LEPROTL1: variants seen among roughly 807,000 people sequenced by gnomAD.
LEPROTL1 encodes the protein leptin receptor overlapping transcript like 1.
Under a neutral mutation model 15.4 loss-of-function variants are expected in LEPROTL1, and 6 were observed. The observed-to-expected ratio is 0.39, with a 90% CI of 0.21 to 0.77. The LOEUF (loss-of-function observed/expected upper bound fraction) is 0.77, where lower values mean the gene tolerates loss of function less well. Among genes scored for constraint, LEPROTL1 ranks in the 30% least tolerant of loss-of-function variants. The probability of loss-of-function intolerance (pLI) is 0.41; values close to 1 mark genes in which losing one functional copy is unlikely to be tolerated. For synonymous variants in LEPROTL1, 56 were observed against 52.6 expected, an observed-to-expected ratio of 1.06 and a Z score of -0.28; for missense variants, 128 against 158.1, an observed-to-expected ratio of 0.81 and a Z score of 1.02.
At chr8:30,095,952 C>A (rs1405512248) in intron 1 of LEPROTL1, 3 of 686,894 alleles carry the variant, frequency 4.4e-6, no homozygotes, top group South Asian at 1.5e-5. Context: ...GAAAACCAGT[C>A]ATTTCCCACC....
At chr8:30,105,209 G>A (rs1447605960) in intron 3 of LEPROTL1, 3 of 152,170 alleles carry the variant, frequency 2.0e-5, no homozygotes, top group East Asian at 1.9e-4. Flanking sequence ...TGATCCACGC[G>A]CCTTCATCTC....
Position 30,095,818 on chromosome 8 carries a change from G to T in LEPROTL1, c.16+290G>T, listed in dbSNP as rs183358734. Reference sequence around the variant, plus strand: ...CCGGACAAAATATGAAGTGGTTGGCGGTCAGTGAGGAGTCCCGTCGCGACT... The same window carrying T: ...CCGGACAAAATATGAAGTGGTTGGCTGTCAGTGAGGAGTCCCGTCGCGACT... On this transcript the variant is annotated intron_variant, in intron 1 of 3. Coordinates refer to ENST00000321250, the MANE Select transcript of LEPROTL1 (RefSeq NM_015344.3). 2,829 of 701,698 alleles carry T rather than the reference G, an allele frequency of 4.0e-3. 79 individuals are homozygous for T. In the Admixed American group the frequency reaches 0.052, roughly 13 times the overall value. 43.5% of individuals were successfully genotyped at this position (701,698 alleles called of 1,614,324 possible).
intron 3 of LEPROTL1, among the ~76,000 whole-genome samples, chr8:30,131,294 A>ATATATGTG (rs1563220032): frequency 5.3e-4 from 26 of 49,148 alleles, no homozygotes; most frequent in Admixed American, 9.3e-4. Context: ...ATATATATAT[A>ATATATGTG]TATGTGTGTG....
In LEPROTL1 at chr8:30,129,758, A is replaced by ACACAC. The variant is rs1380089662; in HGVS notation, c.280-2617_280-2616insCACAC. On this transcript the variant is annotated intron_variant, in intron 3 of 4. Transcript: ENST00000442880. ...ACACACACACACACACACACACACAAAGAACTACCTGAGACTGGGTAATTA... is the reference window on the plus strand; with the variant it reads ...ACACACACACACACACACACACACAACACACAGAACTACCTGAGACTGGGTAATTA... 6.7e-5 allele frequency among the ~76,000 whole-genome samples: 9 copies of ACACAC among 133,950 alleles called. No homozygotes were observed. In the East Asian group the frequency reaches 8.4e-4, roughly 13 times the overall value. The allele number at this position is 133,950 out of a possible 152,430, so 87.9% of individuals were successfully genotyped here.
downstream of LEPROTL1, among the ~76,000 whole-genome samples, chr8:30,112,323 C>G (rs1802663779): frequency 6.8e-6 from 1 of 147,214 alleles, no homozygotes; most frequent in African/African-American, 2.5e-5. Context: ...GCAACCTCCA[C>G]CTCCTGGGTT....
At chr8:30,108,645 T>A (rs1802610422), downstream of LEPROTL1, 1 of 112,652 alleles carries the variant, frequency 8.9e-6, no homozygotes, top group East Asian at 3.3e-4. Context: ...CAATACAGAT[T>A]TTTTTTTTTT....
intron 1 of LEPROTL1, among the ~76,000 whole-genome samples, chr8:30,096,708 A>G (rs555828075): frequency 6.6e-6 from 1 of 152,166 alleles, no homozygotes; most frequent in Non-Finnish European, 1.5e-5. Context: ...TTCAGTGTCA[A>G]TAATGCGGGG....
At chr8:30,101,318 G>A (rs187742677) in intron 1 of LEPROTL1, among the ~76,000 whole-genome samples, 157 of 152,228 alleles carry the variant, frequency 1.0e-3, no homozygotes, top group Non-Finnish European at 1.9e-3. Flanking sequence ...CTTTAGAAAG[G>A]GAACCAGCGT....
At chr8:30,114,436 G>A (rs1431660274) in intron 3 of LEPROTL1, among the ~76,000 whole-genome samples, 4 of 151,702 alleles carry the variant, frequency 2.6e-5, no homozygotes, top group African/African-American at 7.3e-5. Context: ...GATTACAGGC[G>A]CCCACCAGCA....
chr8:30,095,431 G>A lies in LEPROTL1; in HGVS notation c.-82G>A. On this transcript the variant is annotated 5_prime_UTR_variant, in exon 1 of 4. Coordinates refer to ENST00000321250, the MANE Select transcript of LEPROTL1 (RefSeq NM_015344.3). ...GCGCACTTCCGGGTGTTGTCTGGCCGCCGTAGCGCGTCTTGGGTCTCCCGG... is the reference window on the plus strand; with the variant it reads ...GCGCACTTCCGGGTGTTGTCTGGCCACCGTAGCGCGTCTTGGGTCTCCCGG... 2.9e-6 allele frequency: 4 copies of A among 1,391,758 alleles called. No individual in the cohort carries two copies. Among genetic ancestry groups the A allele is most frequent in the Non-Finnish European group, 3.8e-6 (4 of 1,052,050 alleles). 86.2% of individuals were successfully genotyped at this position (1,391,758 alleles called of 1,614,324 possible). A position where few individuals can be genotyped will look rare whatever the true frequency, so the allele number is the denominator to read the frequency against.
In LEPROTL1 at chr8:30,108,284, A is replaced by G. The variant is rs1027661966; in HGVS notation, c.*2422A>G. Reference sequence around the variant, plus strand: ...TAGTAAAAGGATTGGTAATCTGGGAAGTAGAATTTTTACAAAATCTTTTAC... The same window carrying G: ...TAGTAAAAGGATTGGTAATCTGGGAGGTAGAATTTTTACAAAATCTTTTAC... On this transcript the variant is annotated 3_prime_UTR_variant, in exon 4 of 4. Coordinates refer to ENST00000321250, the MANE Select transcript of LEPROTL1 (RefSeq NM_015344.3). 3.3e-5 allele frequency: 5 copies of G among 153,052 alleles called. No individual in the cohort carries two copies. Among genetic ancestry groups the G allele is most frequent in the Non-Finnish European group, 7.3e-5 (5 of 68,816 alleles). The allele number at this position is 153,052 out of a possible 1,614,324, so 9.5% of individuals were successfully genotyped here.
At chr8:30,130,376 A>C (rs1802983903) in intron 3 of LEPROTL1, among the ~76,000 whole-genome samples, 1 of 152,368 alleles carries the variant, frequency 6.6e-6, no homozygotes, top group South Asian at 2.1e-4. Context: ...TTTATAAGTA[A>C]GTTGAATTAA....
intron 1 of LEPROTL1, among the ~76,000 whole-genome samples, chr8:30,097,894 G>A (rs1456950574): frequency 1.5e-5 from 2 of 133,506 alleles, no homozygotes; most frequent in Non-Finnish European, 3.3e-5. Flanking sequence ...TAGTCCCTTG[G>A]TTTTTTTTTT....
chr8:30,113,609 G>GT (rs1802688294), intron 3 of LEPROTL1, among the ~76,000 whole-genome samples: 1 of 152,118 alleles, frequency 6.6e-6, no homozygotes, highest in Non-Finnish European at 1.5e-5. Flanking sequence ...GTACACACAG[G>GT]TCTCCATCTC....
At chr8:30,110,503 C>G (rs182197709), downstream of LEPROTL1, among the ~76,000 whole-genome samples, 1 of 151,832 alleles carries the variant, frequency 6.6e-6, no homozygotes, top group East Asian at 1.9e-4. Flanking sequence ...GGTTGGGGGG[C>G]GGTGCGGATC....
intron 3 of LEPROTL1, chr8:30,131,923 G>C (rs150691027): frequency 6.5e-7 from 1 of 1,532,922 alleles, no homozygotes; most frequent in Non-Finnish European, 8.8e-7. Context: ...GGTGTTTAAG[G>C]TGAAAGCCAG....
intron 3 of LEPROTL1, among the ~76,000 whole-genome samples, chr8:30,131,143 G>A (rs1803002292): frequency 6.6e-6 from 1 of 151,638 alleles, no homozygotes; most frequent in South Asian, 2.1e-4. Flanking sequence ...CCAGGCTGGG[G>A]TGCAGTGGCA....
At chr8:30,131,036 C>T (rs1028139010) in intron 3 of LEPROTL1, among the ~76,000 whole-genome samples, 21 of 151,746 alleles carry the variant, frequency 1.4e-4, no homozygotes, top group African/African-American at 4.8e-4. Context: ...CCTTGTGATC[C>T]GCCCGTCTCG....
In LEPROTL1 at chr8:30,132,559, C is replaced by T. The variant is rs16876563; in HGVS notation, c.394+70C>T. On this transcript the variant is annotated intron_variant, in intron 4 of 4. Coordinates refer to the LEPROTL1 transcript ENST00000442880. Reference sequence around the variant, plus strand: ...CTCGAATTGCTGGCAATCAGTCAGTCCCGCTCCTGCATCCACCACCCTGCT... The same window carrying T: ...CTCGAATTGCTGGCAATCAGTCAGTTCCGCTCCTGCATCCACCACCCTGCT... 11,130 of 1,551,688 alleles carry T rather than the reference C, an allele frequency of 7.2e-3. 693 individuals carry two copies. The African/African-American group carries it at 0.13, about 19-fold the overall frequency.
Sources: gnomAD v4.1 joint callset for allele counts (sites outside exome capture counted in the v4.1 genomes callset) on GRCh38, gnomAD v4.1.1 for gene constraint, MANE v1.5 for transcripts, NCBI Gene and HGNC (gene_info 2026-07-23, HGNC 2026-07-21) for gene names.